CPNE4: variants seen among roughly 807,000 people sequenced by gnomAD.
CPNE4 encodes copine 4.
Under a neutral mutation model 67.9 loss-of-function variants are expected in CPNE4, and 25 were observed. That is an observed-to-expected ratio of 0.37 (90% confidence interval 0.27 to 0.51). The LOEUF (loss-of-function observed/expected upper bound fraction) is 0.51, where lower values mean the gene tolerates loss of function less well. Ranked by LOEUF, CPNE4 falls within the 20% of genes least tolerant of loss-of-function variation. The pLI is 0.93. For missense variants in CPNE4, 464 were observed against 690.8 expected (o/e 0.67, Z 3.68); for synonymous variants, 242 against 244.9 (o/e 0.99, Z 0.11).
chr3:131,601,783 T>A (rs1939220923), intron 7 of CPNE4, among the ~76,000 whole-genome samples: 1 of 152,140 alleles, frequency 6.6e-6, no homozygotes, highest in Non-Finnish European at 1.5e-5. Context: ...GCCCCAGAGA[T>A]GGTGCAAGTA....
intron 2 of CPNE4, among the ~76,000 whole-genome samples, chr3:131,771,876 G>T (rs572895634): frequency 1.1e-4 from 16 of 152,228 alleles, no homozygotes; most frequent in African/African-American, 3.9e-4. Context: ...ACAGTTAGAG[G>T]TTGGAGCTGG....
chr3:131,685,436 C>A (rs6789564), intron 6 of CPNE4, among the ~76,000 whole-genome samples: 4 of 150,900 alleles, frequency 2.7e-5, no homozygotes, highest in African/African-American at 7.3e-5. Context: ...AATGGCAGAA[C>A]CTTCTTGAGG....
chr3:131,819,333 A>C (rs548402354), intron 2 of CPNE4, among the ~76,000 whole-genome samples: 1 of 152,362 alleles, frequency 6.6e-6, no homozygotes, highest in African/African-American at 2.4e-5. Flanking sequence ...ATTTGGATGA[A>C]TAAGAGAACA....
chr3:131,791,875 T>G (rs2083733196), intron 2 of CPNE4, among the ~76,000 whole-genome samples: 1 of 152,168 alleles, frequency 6.6e-6, no homozygotes, highest in African/African-American at 2.4e-5. Context: ...ACTTGGTGCC[T>G]TGGGGCCATG....
intron 2 of CPNE4, among the ~76,000 whole-genome samples, chr3:131,761,188 G>A (rs1331772195): frequency 6.7e-6 from 1 of 148,488 alleles, no homozygotes. Flanking sequence ...ATAAGAAAAG[G>A]CTTCTTCCAC....
chr3:131,626,770 G>C (rs1249920499), intron 7 of CPNE4, among the ~76,000 whole-genome samples: 1 of 152,264 alleles, frequency 6.6e-6, no homozygotes, highest in African/African-American at 2.4e-5. Context: ...ATGCCATCTA[G>C]GACTTTCTTA....
At chr3:131,869,688 C>G (rs1420189286) in intron 2 of CPNE4, among the ~76,000 whole-genome samples, 1 of 152,164 alleles carries the variant, frequency 6.6e-6, no homozygotes, top group Non-Finnish European at 1.5e-5. Flanking sequence ...TATTTTTTCA[C>G]AGCACAATCA....
chr3:131,677,042 G>T (rs1452790288), intron 6 of CPNE4, among the ~76,000 whole-genome samples: 3 of 145,310 alleles, frequency 2.1e-5, no homozygotes, highest in Non-Finnish European at 4.6e-5. Context: ...TCCGGCATCT[G>T]TTTTTTTTTT....
chr3:131,680,773 G>A (rs899914155), intron 6 of CPNE4, among the ~76,000 whole-genome samples: 2 of 151,940 alleles, frequency 1.3e-5, no homozygotes, highest in Non-Finnish European at 2.9e-5. Flanking sequence ...CCCATCACCT[G>A]AGCAGTATAC....
At chr3:131,757,578 A>G (rs963449858) in intron 2 of CPNE4, among the ~76,000 whole-genome samples, 10 of 152,252 alleles carry the variant, frequency 6.6e-5, no homozygotes, top group African/African-American at 1.7e-4. Flanking sequence ...TGACAGTGCA[A>G]TAGAAAAGAA....
intron 1 of CPNE4, among the ~76,000 whole-genome samples, chr3:131,929,552 A>C (rs955468904): frequency 1.3e-5 from 2 of 149,668 alleles, no homozygotes; most frequent in Non-Finnish European, 3.0e-5. Context: ...CCATGTCTTC[A>C]CAGGGCCTCT....
At chr3:131,894,797 G>A (rs2088262727) in intron 2 of CPNE4, among the ~76,000 whole-genome samples, 1 of 151,918 alleles carries the variant, frequency 6.6e-6, no homozygotes, top group African/African-American at 2.4e-5. Context: ...ATGAAAAATA[G>A]TATGAAGTTT....
At chr3:131,863,696 G>C (rs1297153580) in intron 2 of CPNE4, among the ~76,000 whole-genome samples, 1 of 152,142 alleles carries the variant, frequency 6.6e-6, no homozygotes, top group Non-Finnish European at 1.5e-5. Context: ...CTGTGCAGAA[G>C]CTCTTTAGTT....
At chr3:131,977,653 T>A (rs28440062) in intron 1 of CPNE4, among the ~76,000 whole-genome samples, 33 of 152,222 alleles carry the variant, frequency 2.2e-4, no homozygotes, top group South Asian at 6.2e-4. Flanking sequence ...GTTCTTTTTT[T>A]AAAAATTTTC....
chr3:131,760,834 C>A (rs1347190833), intron 2 of CPNE4, among the ~76,000 whole-genome samples: 1 of 152,068 alleles, frequency 6.6e-6, no homozygotes, highest in East Asian at 1.9e-4. Flanking sequence ...ATGAGATGAC[C>A]AGTTCTATCC....
intron 2 of CPNE4, among the ~76,000 whole-genome samples, chr3:131,725,853 C>A (rs112380633): frequency 0.025 from 3,861 of 152,222 alleles, 71 homozygotes; most frequent in Middle Eastern, 0.044. Flanking sequence ...GGAGACTGTC[C>A]CATTTAGACA....
intron 1 of CPNE4, among the ~76,000 whole-genome samples, chr3:132,004,425 G>A (rs2073534593): frequency 6.6e-6 from 1 of 152,160 alleles, no homozygotes; most frequent in African/African-American, 2.4e-5. Flanking sequence ...TACATGTGGA[G>A]AGACAGAGAC....
intron 1 of CPNE4, among the ~76,000 whole-genome samples, chr3:131,994,453 G>T (rs2073240514): frequency 7.0e-6 from 1 of 143,534 alleles, no homozygotes; most frequent in South Asian, 2.3e-4. Flanking sequence ...TCTGGCAGCT[G>T]CTCAAGACCT....
chr3:131,630,029 GAGA>G (rs930797875), intron 7 of CPNE4, among the ~76,000 whole-genome samples: 16 of 152,262 alleles, frequency 1.1e-4, no homozygotes, highest in Admixed American at 4.6e-4. Flanking sequence ...GCTATATGAT[GAGA>G]AGAAGTGAGG....
Sources: allele counts gnomAD v4.1 joint callset (sites outside exome capture counted in the v4.1 genomes callset), GRCh38; gene constraint gnomAD v4.1.1; transcripts MANE v1.5; gene names NCBI Gene and HGNC (gene_info 2026-07-23, HGNC 2026-07-21).